The following MAGI2 variants were observed in gnomAD, a reference collection of about 807,000 sequenced individuals.
MAGI2 encodes the protein membrane associated guanylate kinase, WW and PDZ domain containing 2.
In MAGI2, 35 loss-of-function variants were observed where a neutral mutation model predicts 133.3. The ratio of observed to expected loss-of-function variants is 0.26; its 90% CI spans 0.20 to 0.35. The LOEUF is 0.35. Ranked by LOEUF, MAGI2 falls within the 10% of genes least tolerant of loss-of-function variation. The pLI is 1.00. For missense variants in MAGI2, 1,636 were observed against 1,863.4 expected (o/e 0.88, Z 2.25); for synonymous variants, 729 against 710.6 (o/e 1.03, Z -0.41).
intron 2 of MAGI2, among the ~76,000 whole-genome samples, chr7:78,691,166 G>A (rs1816915516): frequency 6.6e-6 from 1 of 152,160 alleles, no homozygotes; most frequent in Non-Finnish European, 1.5e-5. Flanking sequence ...TTGAGGACAT[G>A]TAAAGACTTC....
chr7:78,288,741 T>C (rs1796403820), intron 9 of MAGI2, among the ~76,000 whole-genome samples: 1 of 152,214 alleles, frequency 6.6e-6, no homozygotes. Flanking sequence ...GGTGCCCCTC[T>C]GAGACAAAGC....
At chr7:79,258,209 G>C (rs943169658) in intron 1 of MAGI2, among the ~76,000 whole-genome samples, 2 of 152,176 alleles carry the variant, frequency 1.3e-5, no homozygotes, top group Non-Finnish European at 2.9e-5. Flanking sequence ...TCTGACAGGA[G>C]AGGCAGTGCT....
chr7:78,689,439 A>G (rs766317591), intron 2 of MAGI2, among the ~76,000 whole-genome samples: 7 of 152,208 alleles, frequency 4.6e-5, no homozygotes, highest in Non-Finnish European at 8.8e-5. Context: ...TGCAATTTAA[A>G]TAAAATGCTC....
intron 9 of MAGI2, among the ~76,000 whole-genome samples, chr7:78,335,253 A>C (rs1274390620): frequency 6.6e-6 from 1 of 152,212 alleles, no homozygotes; most frequent in African/African-American, 2.4e-5. Context: ...CAGAAGGGCT[A>C]GGGATTCGGA....
chr7:78,493,551 A>G (rs2150501729), intron 5 of MAGI2, among the ~76,000 whole-genome samples: 1 of 152,284 alleles, frequency 6.6e-6, no homozygotes, highest in African/African-American at 2.4e-5. Context: ...TAACTTGCCC[A>G]AGGCTAAACA....
chr7:78,207,135 A>C (rs930098102), intron 10 of MAGI2, among the ~76,000 whole-genome samples: 3 of 152,190 alleles, frequency 2.0e-5, no homozygotes, highest in Non-Finnish European at 1.5e-5. Flanking sequence ...AAAGTAATAA[A>C]TGGAGAGAGT....
chr7:78,501,108 A>C (rs1245019487), intron 5 of MAGI2, among the ~76,000 whole-genome samples: 1 of 152,190 alleles, frequency 6.6e-6, no homozygotes, highest in African/African-American at 2.4e-5. Flanking sequence ...AACCAACCAA[A>C]CAAACAACAT....
intron 1 of MAGI2, among the ~76,000 whole-genome samples, chr7:79,328,775 T>C (rs1187934323): frequency 3.3e-5 from 5 of 152,094 alleles, no homozygotes; most frequent in African/African-American, 4.8e-5. Flanking sequence ...ATAGCTTAGT[T>C]TTCTTCTCTC....
chr7:78,472,604 C>A (rs1791332519), intron 6 of MAGI2, among the ~76,000 whole-genome samples: 2 of 152,100 alleles, frequency 1.3e-5, no homozygotes, highest in Non-Finnish European at 2.9e-5. Context: ...CTAAGAATGG[C>A]AGGTAACATG....
chr7:78,131,732 T>C (rs1482919981), intron 18 of MAGI2, among the ~76,000 whole-genome samples: 1 of 152,218 alleles, frequency 6.6e-6, no homozygotes, highest in Non-Finnish European at 1.5e-5. Context: ...ACAATGTTGT[T>C]CTTATGACAG....
chr7:78,674,548 A>G (rs56339427), intron 2 of MAGI2, among the ~76,000 whole-genome samples: 1 of 152,106 alleles, frequency 6.6e-6, no homozygotes, highest in Non-Finnish European at 1.5e-5. Flanking sequence ...TATAATGTGT[A>G]ATTTTTAATA....
rs187190191 is a variant in MAGI2 at position 79,452,879 on chromosome 7, C to T, written c.301+141G>A. 4.5e-6 allele frequency: 4 copies of T among 886,582 alleles called. No homozygotes were observed. In the East Asian group the frequency reaches 8.0e-5, roughly 18 times the overall value. 54.9% of individuals were successfully genotyped at this position (886,582 alleles called of 1,614,324 possible). A position where few individuals can be genotyped will look rare whatever the true frequency, so the allele number is the denominator to read the frequency against. ...CAAGTCGAATCCCCGGCGAAACTCACTTGCACTGCGGGTGCTCTCTGGCCC... is the reference window on the plus strand; with the variant it reads ...CAAGTCGAATCCCCGGCGAAACTCATTTGCACTGCGGGTGCTCTCTGGCCC... On this transcript the variant is annotated intron_variant, in intron 1 of 21. Transcript: ENST00000354212.
At chr7:78,281,846 A>C (rs2151013984) in intron 9 of MAGI2, among the ~76,000 whole-genome samples, 1 of 147,716 alleles carries the variant, frequency 6.8e-6, no homozygotes, top group South Asian at 2.2e-4. Flanking sequence ...TAATAACCTT[A>C]TTTCATGGAA....
intron 12 of MAGI2, among the ~76,000 whole-genome samples, chr7:78,191,439 G>A (rs143371694): frequency 2.0e-4 from 30 of 152,222 alleles, no homozygotes; most frequent in African/African-American, 6.7e-4. Context: ...TTCAGAAATC[G>A]TTTTTCTATG....
intron 2 of MAGI2, among the ~76,000 whole-genome samples, chr7:78,972,327 A>T (rs1240553796): frequency 6.6e-6 from 1 of 151,936 alleles, no homozygotes; most frequent in Non-Finnish European, 1.5e-5. Context: ...CTATCAAAAA[A>T]ATTAATTCTT....
chr7:78,657,890 G>A (rs375940691), intron 2 of MAGI2, among the ~76,000 whole-genome samples: 31 of 152,230 alleles, frequency 2.0e-4, no homozygotes, highest in African/African-American at 7.5e-4. Context: ...GGAGGGCTAT[G>A]CATATATGAA....
intron 7 of MAGI2, among the ~76,000 whole-genome samples, chr7:78,349,402 T>C (rs1369202061): frequency 6.6e-6 from 1 of 152,220 alleles, no homozygotes; most frequent in Non-Finnish European, 1.5e-5. Context: ...TGCTAGGTCA[T>C]TGTTCGTCAT....
At chr7:79,010,468 A>C (rs955695575) in intron 1 of MAGI2, among the ~76,000 whole-genome samples, 5 of 152,166 alleles carry the variant, frequency 3.3e-5, no homozygotes, top group Non-Finnish European at 7.4e-5. Flanking sequence ...TAAAAAATAC[A>C]GAGTTCTAAA....
intron 9 of MAGI2, among the ~76,000 whole-genome samples, chr7:78,261,273 T>C (rs1793492751): frequency 6.6e-6 from 1 of 152,168 alleles, no homozygotes. Flanking sequence ...ACTTACAACT[T>C]GTTACTTGCC....
Sources: gnomAD v4.1 joint callset for allele counts (sites outside exome capture counted in the v4.1 genomes callset) on GRCh38, gnomAD v4.1.1 for gene constraint, MANE v1.5 for transcripts, NCBI Gene and HGNC (gene_info 2026-07-23, HGNC 2026-07-21) for gene names.